The following MAPT variants were observed in gnomAD, a reference collection of about 807,000 sequenced individuals.
The protein encoded by MAPT is microtubule-associated protein tau.
In MAPT, 34 loss-of-function variants were observed where a neutral mutation model predicts 67.9. The observed-to-expected ratio is 0.50, with a 90% CI of 0.38 to 0.67. The LOEUF (loss-of-function observed/expected upper bound fraction) is 0.67, where lower values mean the gene tolerates loss of function less well. MAPT is among the 30% of genes least tolerant of loss of function. MAPT has a pLI of 0.00. For synonymous variants in MAPT, 456 were observed against 464.5 expected (o/e 0.98, Z 0.23); for missense variants, 881 against 1,115.2 (o/e 0.79, Z 2.99).
At position 46,024,199 on chromosome 17, in the gene MAPT, T is replaced by C; in HGVS notation, c.*28T>C. On this transcript the variant is annotated 3_prime_UTR_variant, in exon 13 of 13. Coordinates refer to ENST00000262410, the MANE Select transcript of MAPT (RefSeq NM_001377265.1). ...AGGCCCCTGGGGCGGTCAATAATTG[T>C]GGAGAGGAGAGAATGAGAGAGTGTG... 1.3e-6 allele frequency: 2 copies of C among 1,588,230 alleles called. No individual in the cohort carries two copies. The highest frequency in any genetic ancestry group is 1.7e-6 in the Non-Finnish European group (2 of 1,156,950).
At chr17:45,904,880 A>T (rs1310565085) in intron 1 of MAPT, among the ~76,000 whole-genome samples, 1 of 152,206 alleles carries the variant, frequency 6.6e-6, no homozygotes, top group Non-Finnish European at 1.5e-5. Context: ...TATATATGCA[A>T]ATAAAACTGT....
At chr17:46,004,771 C>A (rs1289321603) in intron 9 of MAPT, among the ~76,000 whole-genome samples, 2 of 152,054 alleles carry the variant, frequency 1.3e-5, no homozygotes, top group African/African-American at 2.4e-5. Flanking sequence ...AAAAAAATTT[C>A]TTTTTTGTTT....
intron 1 of MAPT, among the ~76,000 whole-genome samples, chr17:45,960,303 G>A (rs983943834): frequency 2.6e-5 from 4 of 152,276 alleles, no homozygotes; most frequent in Non-Finnish European, 5.9e-5. Context: ...CTGGAGGACT[G>A]AGAACAGCAG....
Position 46,010,285 on chromosome 17 carries a change from T to C in MAPT, c.1999-25T>C. 6.6e-7 allele frequency: 1 copy of C among 1,511,600 alleles called. No homozygotes were observed. Among genetic ancestry groups the C allele is most frequent in the Non-Finnish European group, 9.0e-7 (1 of 1,109,902 alleles). The allele number at this position is 1,511,600 out of a possible 1,614,324, so 93.6% of individuals were successfully genotyped here. On this transcript the variant is annotated intron_variant, in intron 9 of 12. Transcript: ENST00000262410. The surrounding 1 kb of genome is among the most constrained non-coding windows in gnomAD (Gnocchi z 4.7). The stretch of plus-strand genomic sequence containing the variant: ...AGGCGGGTCCAGGGTGGCGTGTCAC[T>C]CATCCTTTTTTCTGGCTACCAAAGG...
chr17:45,903,222 C>G (rs888486312), intron 1 of MAPT, among the ~76,000 whole-genome samples: 1 of 152,204 alleles, frequency 6.6e-6, no homozygotes, highest in African/African-American at 2.4e-5. Context: ...GCTCCTCCTC[C>G]TGAATTGGAG....
At chr17:46,022,854 C>T (rs1387069770) in intron 12 of MAPT, among the ~76,000 whole-genome samples, 2 of 152,102 alleles carry the variant, frequency 1.3e-5, no homozygotes, top group East Asian at 1.9e-4. Context: ...TGCTTGAGCC[C>T]AGGAATTTGA....
At chr17:45,918,694 ATTAGTCTG>A (rs1049480408) in intron 1 of MAPT, among the ~76,000 whole-genome samples, 2 of 152,216 alleles carry the variant, frequency 1.3e-5, no homozygotes, top group Non-Finnish European at 2.9e-5. Context: ...CTCTTAGTGT[ATTAGTCTG>A]TTCTCACATT....
intron 12 of MAPT, among the ~76,000 whole-genome samples, chr17:46,021,340 G>C (rs2076518163): frequency 6.6e-6 from 1 of 152,214 alleles, no homozygotes; most frequent in African/African-American, 2.4e-5. Flanking sequence ...TGGGGGCCAG[G>C]TCCAGTTATC....
At chr17:45,993,355 G>A (rs918076649) in intron 8 of MAPT, among the ~76,000 whole-genome samples, 2 of 152,004 alleles carry the variant, frequency 1.3e-5, no homozygotes, top group African/African-American at 2.4e-5. Context: ...TTTAAGTAGC[G>A]TTTGGATCCT....
intron 9 of MAPT, among the ~76,000 whole-genome samples, chr17:45,997,024 G>T (rs1395642723): frequency 6.6e-6 from 1 of 152,232 alleles, no homozygotes; most frequent in Non-Finnish European, 1.5e-5. Context: ...ACCCACAGCG[G>T]TTCCCCACCT....
chr17:45,934,865 C>T (rs1437903687), intron 1 of MAPT, among the ~76,000 whole-genome samples: 1 of 151,154 alleles, frequency 6.6e-6, no homozygotes, highest in Non-Finnish European at 1.5e-5. Flanking sequence ...GGACCCTGGA[C>T]CTATGGCCTT....
intron 1 of MAPT, among the ~76,000 whole-genome samples, chr17:45,934,432 A>AT (rs200154303): frequency 8.6e-5 from 13 of 151,872 alleles, no homozygotes; most frequent in South Asian, 2.1e-4. Context: ...GCATGTGTGT[A>AT]TTTTTTTTTC....
chr17:45,904,041 A>T (rs1440021344), intron 1 of MAPT, among the ~76,000 whole-genome samples: 1 of 17,826 alleles, frequency 5.6e-5, no homozygotes, highest in Non-Finnish European at 9.7e-5. Flanking sequence ...TATATTATAT[A>T]TTTATATATA....
intron 1 of MAPT, among the ~76,000 whole-genome samples, chr17:45,937,719 T>A (rs2067476671): frequency 6.6e-6 from 1 of 151,606 alleles, no homozygotes; most frequent in Non-Finnish European, 1.5e-5. Context: ...GCCCTCAGTG[T>A]GCACAACCAG....
chr17:46,023,461 T>C (rs1441270163), intron 12 of MAPT, among the ~76,000 whole-genome samples: 1 of 152,214 alleles, frequency 6.6e-6, no homozygotes, highest in African/African-American at 2.4e-5. Context: ...AAATGATCAC[T>C]GTCTCTGGGG....
chr17:45,996,630 C>T lies in MAPT; in HGVS notation c.1964C>T (p.Thr655Ile). 6.2e-7 allele frequency: 1 copy of T among 1,613,952 alleles called. No homozygotes were observed. The highest frequency in any genetic ancestry group is 8.5e-7 in the Non-Finnish European group (1 of 1,179,950). Reference sequence around the variant, plus strand: ...AATGTCAAGTCCAAGATCGGCTCCACTGAGAACCTGAAGCACCAGCCGGGA... The same window carrying T: ...AATGTCAAGTCCAAGATCGGCTCCATTGAGAACCTGAAGCACCAGCCGGGA... ...LKNVKSKIGS[T>I]ENLKHQPGGG... The change falls in exon 9 of 13, where the codon ACT becomes ATT. Residue 655 changes from threonine (T) to isoleucine (I), a missense_variant. Thr to Ile is a moderately conservative substitution (Grantham distance 89). This residue lies in a region of MAPT where 45 missense variants were observed against 43.2 expected (regional missense o/e 1.04). Coordinates refer to ENST00000262410, the MANE Select transcript of MAPT (RefSeq NM_001377265.1). The surrounding 1 kb of genome is among the most constrained non-coding windows in gnomAD (Gnocchi z 4.5).
chr17:46,018,568 A>G, intron 11 of MAPT, 50 bp from the exon 12 acceptor site: 1 of 1,346,814 alleles, frequency 7.4e-7, no homozygotes, highest in Non-Finnish European at 1.1e-6. Flanking sequence ...TTAAGTCCAC[A>G]GAACCACAGA....
chr17:45,936,608 T>C (rs1301998167), intron 1 of MAPT, among the ~76,000 whole-genome samples: 2 of 152,238 alleles, frequency 1.3e-5, no homozygotes, highest in Non-Finnish European at 2.9e-5. Flanking sequence ...TTTTGTTCGT[T>C]AATAATAGAT....
chr17:45,911,646 C>T (rs1305747996), intron 1 of MAPT, among the ~76,000 whole-genome samples: 2 of 152,072 alleles, frequency 1.3e-5, no homozygotes, highest in Non-Finnish European at 2.9e-5. Flanking sequence ...CGCTTGTAGT[C>T]CCAGCTACTC....
Sources: allele counts gnomAD v4.1 joint callset (sites outside exome capture counted in the v4.1 genomes callset), GRCh38; gene constraint gnomAD v4.1.1; regional missense constraint gnomAD v4.1.1; non-coding constraint Gnocchi (gnomAD v3.1); transcripts MANE v1.5; gene names NCBI Gene and HGNC (gene_info 2026-07-23, HGNC 2026-07-21).